Variants in KDM4C observed in about 807,000 individuals in gnomAD.
KDM4C encodes lysine-specific demethylase 4C.
In KDM4C, 81 loss-of-function variants were observed where a neutral mutation model predicts 129.3. The ratio of observed to expected loss-of-function variants is 0.63; its 90% CI spans 0.52 to 0.75. The LOEUF (loss-of-function observed/expected upper bound fraction) is 0.75. Ranked by LOEUF, KDM4C falls within the 30% of genes least tolerant of loss-of-function variation. The probability of loss-of-function intolerance (pLI) is 0.00; values close to 1 mark genes in which losing one functional copy is unlikely to be tolerated. For synonymous variants in KDM4C, 573 were observed against 456.1 expected, an observed-to-expected ratio of 1.26 and a Z score of -3.26; for missense variants, 1,457 against 1,304.0, an observed-to-expected ratio of 1.12 and a Z score of -1.81.
At chr9:6,884,634 C>A (rs1449925079) in intron 6 of KDM4C, among the ~76,000 whole-genome samples, 2 of 152,134 alleles carry the variant, frequency 1.3e-5, no homozygotes, top group African/African-American at 4.8e-5. Flanking sequence ...GTTTGATTTT[C>A]TTTCCTTCCT....
chr9:6,774,029 A>G (rs1157113595), intron 1 of KDM4C, among the ~76,000 whole-genome samples: 1 of 152,056 alleles, frequency 6.6e-6, no homozygotes, highest in African/African-American at 2.4e-5. Flanking sequence ...CTGGGACTAC[A>G]GGCGCATGCC....
intron 8 of KDM4C, among the ~76,000 whole-genome samples, chr9:6,933,372 A>G (rs10975912): frequency 1.3e-5 from 2 of 152,042 alleles, no homozygotes; most frequent in African/African-American, 2.4e-5. Flanking sequence ...TTAGCTATCT[A>G]CTACATGCAC....
At chr9:6,725,032 A>G (rs1015483157) in intron 1 of KDM4C, among the ~76,000 whole-genome samples, 1 of 152,104 alleles carries the variant, frequency 6.6e-6, no homozygotes, top group Non-Finnish European at 1.5e-5. Flanking sequence ...GGCTCTCCTC[A>G]TTCCTTGGGT....
At chr9:6,968,405 G>C (rs1011081453) in intron 8 of KDM4C, among the ~76,000 whole-genome samples, 2 of 152,208 alleles carry the variant, frequency 1.3e-5, no homozygotes, top group Non-Finnish European at 2.9e-5. Flanking sequence ...ATGCTGGGTA[G>C]TTCTTGGTGA....
intron 4 of KDM4C, among the ~76,000 whole-genome samples, chr9:6,840,045 C>G (rs1362131791): frequency 1.3e-5 from 2 of 152,014 alleles, no homozygotes; most frequent in South Asian, 4.1e-4. Flanking sequence ...GATACATTTG[C>G]TGTTGAGGAG....
intron 4 of KDM4C, chr9:6,835,397 A>G: frequency 8.9e-7 from 1 of 1,129,648 alleles, no homozygotes. Flanking sequence ...ATGCAGAAGG[A>G]GATCACCGCC....
chr9:6,734,278 C>G lies in KDM4C; in HGVS notation c.49+13281C>G, dbSNP rs1271203980. On this transcript the variant is annotated intron_variant, in intron 1 of 17. Transcript: ENST00000536108. ...AAAAAGGAGTGGAAAGTTATGTAAA[C>G]CCATGTTTGGTTTTTTTTTTTTTTT... Among the ~76,000 whole-genome samples, 3 of 149,706 alleles carry G rather than the reference C, an allele frequency of 2.0e-5. No homozygotes were observed. In the Admixed American group the frequency reaches 2.0e-4, roughly 10 times the overall value.
At chr9:6,851,923 T>C (rs925041372) in intron 5 of KDM4C, among the ~76,000 whole-genome samples, 11 of 152,236 alleles carry the variant, frequency 7.2e-5, no homozygotes, top group African/African-American at 2.4e-4. Context: ...AGTAGTTAAT[T>C]ACTCTATTAG....
chr9:7,031,151 T>G (rs1418275352), intron 15 of KDM4C, among the ~76,000 whole-genome samples: 1 of 126,562 alleles, frequency 7.9e-6, no homozygotes, highest in African/African-American at 3.3e-5. Context: ...TATTTATTTA[T>G]TTATTTATTT....
chr9:6,861,737 C>G (rs549254766), intron 5 of KDM4C, among the ~76,000 whole-genome samples: 2 of 151,608 alleles, frequency 1.3e-5, no homozygotes, highest in Admixed American at 6.6e-5. Flanking sequence ...GTTTCTTGAA[C>G]TCATGCATAA....
intron 15 of KDM4C, among the ~76,000 whole-genome samples, chr9:7,026,680 C>A (rs1825869951): frequency 6.6e-6 from 1 of 152,066 alleles, no homozygotes; most frequent in African/African-American, 2.4e-5. Flanking sequence ...AACTTTCTAC[C>A]CTCATCTGTT....
chr9:6,731,318 T>A (rs530893961), intron 1 of KDM4C, among the ~76,000 whole-genome samples: 2 of 126,356 alleles, frequency 1.6e-5, no homozygotes, highest in Non-Finnish European at 3.3e-5. Flanking sequence ...ACTACATTTT[T>A]TTTTTGCTTT....
At chr9:7,078,662 T>A (rs1834191767) in intron 17 of KDM4C, among the ~76,000 whole-genome samples, 1 of 152,256 alleles carries the variant, frequency 6.6e-6, no homozygotes, top group Non-Finnish European at 1.5e-5. Flanking sequence ...TTAATTAGCT[T>A]GAGTATAAAT....
chr9:6,934,934 T>G (rs994306909), intron 8 of KDM4C, among the ~76,000 whole-genome samples: 2 of 152,204 alleles, frequency 1.3e-5, no homozygotes, highest in Non-Finnish European at 2.9e-5. Flanking sequence ...CTCAACCATG[T>G]GTGCACATAC....
At chr9:6,928,716 G>A (rs1484858152) in intron 8 of KDM4C, among the ~76,000 whole-genome samples, 1 of 151,720 alleles carries the variant, frequency 6.6e-6, no homozygotes, top group Non-Finnish European at 1.5e-5. Flanking sequence ...CACTTTGCTT[G>A]CTGCATTCTT....
intron 17 of KDM4C, among the ~76,000 whole-genome samples, chr9:7,099,697 C>T (rs565962300): frequency 1.4e-4 from 22 of 152,262 alleles, no homozygotes; most frequent in Admixed American, 8.5e-4. Flanking sequence ...TTCAGTGGCC[C>T]CGCCAAGATG....
chr9:6,896,577 T>TA (rs945767644), intron 8 of KDM4C, among the ~76,000 whole-genome samples: 50 of 145,842 alleles, frequency 3.4e-4, no homozygotes, highest in East Asian at 3.9e-4. Context: ...GTTTTTTAAT[T>TA]AAAAAAAAAA....
At chr9:6,736,738 GA>G (rs752766692) in intron 1 of KDM4C, among the ~76,000 whole-genome samples, 1 of 152,050 alleles carries the variant, frequency 6.6e-6, no homozygotes, top group Non-Finnish European at 1.5e-5. Flanking sequence ...AAAGTTTTAG[GA>G]TACAAAATCA....
chr9:6,985,828 C>A (rs947544525), intron 10 of KDM4C, among the ~76,000 whole-genome samples: 4 of 152,100 alleles, frequency 2.6e-5, no homozygotes, highest in African/African-American at 9.7e-5. Context: ...GTATCTGGGA[C>A]TAAAGGTGTG....
Sources: allele counts gnomAD v4.1 joint callset (sites outside exome capture counted in the v4.1 genomes callset), GRCh38; gene constraint gnomAD v4.1.1; transcripts MANE v1.5; gene names NCBI Gene and HGNC (gene_info 2026-07-23, HGNC 2026-07-21).